Variants in INSL6 observed in about 807,000 individuals in gnomAD.
The protein encoded by INSL6 is insulin like 6.
In INSL6, 16 loss-of-function variants were observed where a neutral mutation model predicts 9.4. That is an observed-to-expected ratio of 1.70 (90% CI 1.15 to 2.59). The LOEUF is 2.59. INSL6 is among the 30% of genes most tolerant of loss of function. The pLI is 0.00. For synonymous variants in INSL6, 154 were observed against 96.9 expected, an observed-to-expected ratio of 1.59 and a Z score of -3.46; for missense variants, 391 against 257.3, an observed-to-expected ratio of 1.52 and a Z score of -3.56.
intron 1 of INSL6, among the ~76,000 whole-genome samples, chr9:5,174,782 C>T (rs7040806): frequency 0.38 from 58,032 of 152,018 alleles, 12,566 homozygotes; most frequent in African/African-American, 0.61. Context: ...TCAACATTGT[C>T]TAAAACTCCA....
At chr9:5,028,305 T>C in the INSL6 span, among the ~76,000 whole-genome samples, 141 of 152,314 alleles carry the variant, frequency 9.3e-4, 1 homozygote, top group Non-Finnish European at 1.8e-3. Context: ...CAGGAATCTT[T>C]TTTTCTGAGC....
At chr9:5,022,158 T>A in the INSL6 span, 2 of 1,614,180 alleles carry the variant, frequency 1.2e-6, no homozygotes, top group East Asian at 4.5e-5. Flanking sequence ...ATCTGACCTT[T>A]CCATCTGGGG....
At chr9:5,168,928 T>G (rs1475598172) in intron 1 of INSL6, among the ~76,000 whole-genome samples, 1 of 47,580 alleles carries the variant, frequency 2.1e-5, no homozygotes, top group Non-Finnish European at 3.6e-5. Flanking sequence ...ATTTATTTGA[T>G]TTTTTTTTTT....
the INSL6 span, among the ~76,000 whole-genome samples, chr9:5,036,559 C>T: frequency 6.6e-6 from 1 of 151,364 alleles, no homozygotes; most frequent in Non-Finnish European, 1.5e-5. Flanking sequence ...ATAATGCTAC[C>T]TATCTACAAC....
chr9:5,035,934 T>A, the INSL6 span, among the ~76,000 whole-genome samples: 1 of 152,158 alleles, frequency 6.6e-6, no homozygotes, highest in Non-Finnish European at 1.5e-5. Context: ...AAAGAGGAAG[T>A]CAAATTGTCC....
chr9:5,068,399 T>C, the INSL6 span, among the ~76,000 whole-genome samples: 1 of 152,088 alleles, frequency 6.6e-6, no homozygotes, highest in Non-Finnish European at 1.5e-5. Flanking sequence ...AATACAATGG[T>C]GGTGCAGTGG....
the INSL6 span, among the ~76,000 whole-genome samples, chr9:5,093,586 A>T: frequency 1.3e-5 from 2 of 152,194 alleles, no homozygotes; most frequent in Admixed American, 6.5e-5. Flanking sequence ...TATAGGCCTT[A>T]ACCTACTATC....
the INSL6 span, among the ~76,000 whole-genome samples, chr9:5,017,051 A>C: frequency 6.6e-6 from 1 of 152,242 alleles, no homozygotes; most frequent in African/African-American, 2.4e-5. Flanking sequence ...CTGCTAATGC[A>C]AACAAGTTTT....
intron 1 of INSL6, among the ~76,000 whole-genome samples, chr9:5,181,078 G>A (rs1025490285): frequency 6.6e-5 from 10 of 152,088 alleles, no homozygotes; most frequent in African/African-American, 2.4e-4. Context: ...GGACACTTAT[G>A]GAAAATAGAA....
At chr9:5,108,359 C>T in the INSL6 span, 4 of 152,100 alleles carry the variant, frequency 2.6e-5, no homozygotes, top group South Asian at 4.1e-4. Flanking sequence ...TCAATGCAAG[C>T]TCATATTTCC....
chr9:5,112,413 A>T, the INSL6 span: 1 of 472,846 alleles, frequency 2.1e-6, no homozygotes. Context: ...GGATGAGGAG[A>T]ACACGTCGGC....
the INSL6 span, among the ~76,000 whole-genome samples, chr9:5,051,116 T>G: frequency 1.3e-5 from 2 of 152,164 alleles, no homozygotes; most frequent in Non-Finnish European, 2.9e-5. Flanking sequence ...TTGGAACATT[T>G]CGTATTTCAG....
the INSL6 span, among the ~76,000 whole-genome samples, chr9:5,009,246 A>G: frequency 1.3e-5 from 2 of 152,180 alleles, no homozygotes; most frequent in African/African-American, 4.8e-5. Flanking sequence ...CGATCCATTT[A>G]TTTATTTCTA....
intron 1 of INSL6, among the ~76,000 whole-genome samples, chr9:5,164,946 G>A (rs1474986640): frequency 1.3e-5 from 2 of 152,174 alleles, no homozygotes; most frequent in African/African-American, 2.4e-5. Context: ...AGTGGCTCAC[G>A]CCTGTAATCC....
At chr9:5,090,457 C>G in the INSL6 span, 2 of 1,559,948 alleles carry the variant, frequency 1.3e-6, no homozygotes, top group Non-Finnish European at 1.7e-6. Context: ...TCGGCGTAAT[C>G]TAAAATTAAT....
the INSL6 span, chr9:5,029,641 G>A: frequency 3.2e-6 from 2 of 621,362 alleles, no homozygotes. Flanking sequence ...GTAGGGGTTG[G>A]TATATCAAAA....
chr9:5,164,415 T>C (rs1377368794), intron 1 of INSL6, 150 bp from the exon 2 acceptor site: 2 of 609,252 alleles, frequency 3.3e-6, no homozygotes, highest in Non-Finnish European at 5.7e-6. Flanking sequence ...TCAAAAGCAA[T>C]ATTTAACTAA....
At chr9:5,130,736 T>A (rs1393811100) in intron 3 of INSL6, among the ~76,000 whole-genome samples, 1 of 150,970 alleles carries the variant, frequency 6.6e-6, no homozygotes, top group African/African-American at 2.4e-5. Context: ...ATTTTTTTTT[T>A]TATTTTTTTT....
At chr9:5,095,357 T>G in the INSL6 span, among the ~76,000 whole-genome samples, 1 of 152,042 alleles carries the variant, frequency 6.6e-6, no homozygotes, top group Non-Finnish European at 1.5e-5. Context: ...ACCCCCATCT[T>G]GATTAAAAAA....
Sources: allele counts gnomAD v4.1 joint callset (sites outside exome capture counted in the v4.1 genomes callset), GRCh38; gene constraint gnomAD v4.1.1; transcripts MANE v1.5; gene names NCBI Gene and HGNC (gene_info 2026-07-23, HGNC 2026-07-21).